Variants in COBLL1 observed in about 807,000 individuals in gnomAD.
COBLL1 encodes cordon-bleu WH2 repeat protein like 1, also known as cordon-bleu protein-like 1.
Under a neutral mutation model 94.8 loss-of-function variants are expected in COBLL1, and 50 were observed. The ratio of observed to expected loss-of-function variants is 0.53; its 90% CI spans 0.42 to 0.67. The LOEUF is 0.67. COBLL1 is among the 30% of genes least tolerant of loss of function. COBLL1 has a pLI of 0.00. For missense variants in COBLL1, 1,362 were observed against 1,348.7 expected (o/e 1.01, Z -0.15); for synonymous variants, 448 against 473.8 (o/e 0.95, Z 0.71).
In COBLL1 at chr2:164,694,989, G is replaced by C. The variant is rs754441273; in HGVS notation, c.2403C>G (p.Asn801Lys). 3.7e-6 allele frequency: 6 copies of C among 1,613,876 alleles called. No homozygotes were observed. The highest frequency in any genetic ancestry group is 5.1e-6 in the Non-Finnish European group (6 of 1,179,960). ...EPLPNLKPKP[N>K]LRTEHQVPSS... Reference sequence around the variant, plus strand: ...TGGGCACTTGATGCTCTGTTCTCAGGTTAGGCTTCGGTTTAAGGTTTGGCA... The same window carrying C: ...TGGGCACTTGATGCTCTGTTCTCAGCTTAGGCTTCGGTTTAAGGTTTGGCA... The change falls in exon 12 of 14, where the codon AAC becomes AAG. Residue 801 changes from asparagine (N) to lysine (K), a missense_variant. By Grantham distance (94) the Asn-to-Lys change is moderately conservative. Coordinates refer to ENST00000652658, the MANE Select transcript of COBLL1 (RefSeq NM_001365672.2).
chr2:164,776,394 C>A (rs113039003), intron 2 of COBLL1, among the ~76,000 whole-genome samples: 1,588 of 151,548 alleles, frequency 0.01, 13 homozygotes, highest in Middle Eastern at 0.024. Flanking sequence ...TATACAAGCA[C>A]CCCCCGTCTT....
intron 3 of COBLL1, among the ~76,000 whole-genome samples, chr2:164,736,468 T>C (rs574051110): frequency 2.0e-5 from 3 of 152,324 alleles, no homozygotes; most frequent in African/African-American, 7.2e-5. Context: ...ATTACTAAGC[T>C]GATAAGTTCT....
chr2:164,700,602 G>A lies in COBLL1; in HGVS notation c.1380C>T (p.Asp460=), dbSNP rs752023397. The A allele has an allele frequency of 1.2e-6, 2 of 1,613,774 alleles. No homozygotes were observed. The highest frequency in any genetic ancestry group is 1.3e-5 in the African/African-American group (1 of 75,022). Residue 460 remains aspartate (D), a synonymous_variant, in exon 10 of 14, where the codon GAC becomes GAT. Coordinates refer to ENST00000652658, the MANE Select transcript of COBLL1 (RefSeq NM_001365672.2). ...DIINTLKNDP[D]SALGNGSGEF... is the part of the protein sequence containing the mutation. ...CTCCACTACCATTGCCAAGGGCTGAGTCAGGATCATTTTTCAGTGTATTTA... is the reference window on the plus strand; with the variant it reads ...CTCCACTACCATTGCCAAGGGCTGAATCAGGATCATTTTTCAGTGTATTTA...
intron 2 of COBLL1, among the ~76,000 whole-genome samples, chr2:164,773,380 GTTAATA>G (rs1374823499): frequency 1.3e-5 from 2 of 152,046 alleles, no homozygotes; most frequent in African/African-American, 4.8e-5. Context: ...AACAGCAGTA[GTTAATA>G]TTATATACAC....
chr2:164,804,686 G>A (rs1266986279), intron 2 of COBLL1, among the ~76,000 whole-genome samples: 3 of 152,064 alleles, frequency 2.0e-5, no homozygotes, highest in African/African-American at 7.2e-5. Flanking sequence ...CAGCTTCTTT[G>A]CAAATATATT....
intron 2 of COBLL1, among the ~76,000 whole-genome samples, chr2:164,819,266 A>G (rs1344119202): frequency 6.6e-6 from 1 of 152,212 alleles, no homozygotes; most frequent in East Asian, 1.9e-4. Flanking sequence ...TATTTAGAAC[A>G]TAGGTCGTAA....
chr2:164,668,671 AG>A (rs1352503244), intron 1 of COBLL1, among the ~76,000 whole-genome samples: 2 of 152,222 alleles, frequency 1.3e-5, no homozygotes, highest in East Asian at 3.8e-4. Flanking sequence ...CAGTGAAATG[AG>A]GTATGCCTGT....
chr2:164,694,453 T>C lies in COBLL1; in HGVS notation c.2939A>G (p.Tyr980Cys). 6.2e-7 allele frequency: 1 copy of C among 1,613,790 alleles called. No individual in the cohort carries two copies. The highest frequency in any genetic ancestry group is 8.5e-7 in the Non-Finnish European group (1 of 1,179,914). The change falls in exon 12 of 14, where the codon TAC becomes TGC. Residue 980 changes from tyrosine to cysteine, a missense_variant. Physicochemically the swap from Tyr to Cys is radical, Grantham distance 194. Coordinates refer to ENST00000652658, the MANE Select transcript of COBLL1 (RefSeq NM_001365672.2). ...AAACGGTGAAGGACCAGAACTTGAG[T>C]ATGGTCGTGGGGCACCAAAAGTTTT... ...TLKTFGAPRP[Y>C]SSSGPSPFAL... is the part of the protein sequence containing the mutation.
intron 2 of COBLL1, among the ~76,000 whole-genome samples, chr2:164,658,370 T>C (rs1691012107): frequency 6.6e-6 from 1 of 152,006 alleles, no homozygotes; most frequent in South Asian, 2.1e-4. Flanking sequence ...TTGGGAGGGG[T>C]GCCTTCAATG....
At chr2:164,804,363 C>T (rs960717904) in intron 2 of COBLL1, among the ~76,000 whole-genome samples, 19 of 151,556 alleles carry the variant, frequency 1.3e-4, no homozygotes, top group Non-Finnish European at 2.5e-4. Context: ...TGTATTCATG[C>T]GTGCTTTTTT....
intron 2 of COBLL1, among the ~76,000 whole-genome samples, chr2:164,764,644 A>G (rs1466577270): frequency 6.6e-6 from 1 of 152,170 alleles, no homozygotes; most frequent in Non-Finnish European, 1.5e-5. Flanking sequence ...TTTTTGGGCA[A>G]ACAGAATGTT....
chr2:164,815,336 T>C (rs1229439329), intron 2 of COBLL1, among the ~76,000 whole-genome samples: 1 of 150,576 alleles, frequency 6.6e-6, no homozygotes, highest in East Asian at 2.0e-4. Flanking sequence ...GAGGCGGAGG[T>C]TGCAGTGAGC....
Position 164,803,853 on chromosome 2 carries a change from C to A in COBLL1, c.41+37303G>T, listed in dbSNP as rs77964486. On this transcript the variant is annotated intron_variant, in intron 2 of 13. Transcript: ENST00000652658. ...GCAAATACCAATAGTCCAGGCCCAG[C>A]AGACTAGGCAGGTAGCTACTTAAGG... Among the ~76,000 whole-genome samples, 275 of 152,110 alleles carry A rather than the reference C, an allele frequency of 1.8e-3. 6 individuals are homozygous for A. The East Asian group carries it at 0.052, about 29-fold the overall frequency.
chr2:164,686,963 T>C (rs183606255), intron 13 of COBLL1, among the ~76,000 whole-genome samples: 2 of 152,236 alleles, frequency 1.3e-5, no homozygotes. Context: ...CAAATTTAGT[T>C]TGGACTTGGC....
At chr2:164,751,505 GAAGTCATTC>G (rs773136948) in intron 2 of COBLL1, among the ~76,000 whole-genome samples, 1 of 142,302 alleles carries the variant, frequency 7.0e-6, no homozygotes, top group Non-Finnish European at 1.5e-5. Flanking sequence ...AGAGGTATAA[GAAGTCATTC>G]AAGTCATTCA....
chr2:164,679,444 T>G (rs965652024), downstream of COBLL1, among the ~76,000 whole-genome samples: 18 of 152,180 alleles, frequency 1.2e-4, no homozygotes, highest in African/African-American at 3.9e-4. Context: ...AAAAACTTTT[T>G]GAAGATTGTT....
rs756877863 is a variant in COBLL1 at position 164,694,264 on chromosome 2, G to A, written c.3123+5C>T. ...AATACTTATTTTTAAAAAGGCTACAGTTACCTTATCAGACACACCAAGCTG... is the reference window on the plus strand; with the variant it reads ...AATACTTATTTTTAAAAAGGCTACAATTACCTTATCAGACACACCAAGCTG... On this transcript the variant is annotated splice_donor_5th_base_variant and intron_variant, in intron 12 of 13. Coordinates refer to ENST00000652658, the MANE Select transcript of COBLL1 (RefSeq NM_001365672.2). 6.2e-6 allele frequency: 10 copies of A among 1,608,890 alleles called. No homozygotes were observed. The South Asian group carries it at 1.1e-4, about 18-fold the overall frequency.
In COBLL1 at chr2:164,781,232, C is replaced by A. The variant is rs562142060; in HGVS notation, c.42-37357G>T. Among the ~76,000 whole-genome samples, 5 of 152,190 alleles carry A rather than the reference C, an allele frequency of 3.3e-5. No individual in the cohort carries two copies. The East Asian group carries it at 7.7e-4, about 24-fold the overall frequency. On this transcript the variant is annotated intron_variant, in intron 2 of 13. Coordinates refer to ENST00000652658, the MANE Select transcript of COBLL1 (RefSeq NM_001365672.2). ...TAAGTTATTAGACTTTCTTTTTTAACCCAAAACCTTTTATTTTTTAGGTAC... is the reference window on the plus strand; with the variant it reads ...TAAGTTATTAGACTTTCTTTTTTAAACCAAAACCTTTTATTTTTTAGGTAC...
Position 164,830,962 on chromosome 2 carries a change from T to C in COBLL1, c.41+10194A>G, listed in dbSNP as rs77562182. On this transcript the variant is annotated intron_variant, in intron 2 of 13. Coordinates refer to ENST00000652658, the MANE Select transcript of COBLL1 (RefSeq NM_001365672.2). ...CATAGGTAATAATCACAATAAAGCT[T>C]ACCCACTTTCAGAGAAAGAGGAAAC... 3.7e-3 allele frequency among the ~76,000 whole-genome samples: 569 copies of C among 152,328 alleles called. 8 individuals are homozygous for C. Among genetic ancestry groups the C allele is most frequent in the African/African-American group, 0.013 (523 of 41,578 alleles).
Sources: allele counts gnomAD v4.1 joint callset (sites outside exome capture counted in the v4.1 genomes callset), GRCh38; gene constraint gnomAD v4.1.1; transcripts MANE v1.5; gene names NCBI Gene and HGNC (gene_info 2026-07-23, HGNC 2026-07-21).